Variants in NETO1 observed in about 807,000 individuals in gnomAD.
NETO1 encodes the protein neuropilin and tolloid-like protein 1.
NETO1 carries 26 observed loss-of-function variants against 61.3 expected under a neutral mutation model. That is an observed-to-expected ratio of 0.42 (90% CI 0.31 to 0.59). NETO1 has a LOEUF of 0.59. NETO1 is among the 20% of genes least tolerant of loss of function. The pLI is 0.12. For missense variants in NETO1, 531 were observed against 662.8 expected (o/e 0.80, Z 2.18); for synonymous variants, 225 against 225.8 (o/e 1.00, Z 0.03).
At chr18:72,783,657 G>A in intron 7 of NETO1, 21 bp downstream of exon 7, 7 of 1,606,374 alleles carry the variant, frequency 4.4e-6, no homozygotes, top group Non-Finnish European at 6.0e-6. Context: ...AGGAAAAATA[G>A]TCAAGTGCAG....
rs1364128861 is a variant in NETO1 at position 72,867,363 on chromosome 18, G to C, written c.-72C>G. On this transcript the variant is annotated 5_prime_UTR_variant, in exon 1 of 11. Transcript: ENST00000327305. ...GAGACGGGAAGACTTCCAGTGGCGG[G>C]GGGAGGACAGGGTCGAGAGGTGTTA... 7.6e-7 allele frequency: 1 copy of C among 1,309,800 alleles called. No homozygotes were observed. Among genetic ancestry groups the C allele is most frequent in the African/African-American group, 1.5e-5 (1 of 66,044 alleles). The allele number at this position is 1,309,800 out of a possible 1,614,324, so 81.1% of individuals were successfully genotyped here.
At chr18:72,854,461 A>G (rs1000023769) in intron 4 of NETO1, among the ~76,000 whole-genome samples, 5 of 152,212 alleles carry the variant, frequency 3.3e-5, no homozygotes, top group African/African-American at 1.2e-4. Flanking sequence ...TCTCCCCACA[A>G]GGAAGTAAAT....
intron 7 of NETO1, among the ~76,000 whole-genome samples, chr18:72,759,692 C>G (rs1053590997): frequency 2.0e-5 from 3 of 152,230 alleles, no homozygotes; most frequent in Non-Finnish European, 4.4e-5. Flanking sequence ...AGAAACTAAA[C>G]TCAGCATCCT....
chr18:72,770,637 C>T (rs543274521), intron 7 of NETO1, among the ~76,000 whole-genome samples: 19 of 152,154 alleles, frequency 1.2e-4, no homozygotes, highest in African/African-American at 3.9e-4. Flanking sequence ...CACAAGGTGG[C>T]GGCATTAAGA....
intron 4 of NETO1, among the ~76,000 whole-genome samples, chr18:72,824,178 G>T (rs2073300403): frequency 6.6e-6 from 1 of 152,148 alleles, no homozygotes; most frequent in South Asian, 2.1e-4. Flanking sequence ...GTTTTTGTTT[G>T]TTTGTTTTGA....
At chr18:72,822,446 C>T (rs2073229710) in intron 4 of NETO1, among the ~76,000 whole-genome samples, 1 of 152,166 alleles carries the variant, frequency 6.6e-6, no homozygotes, top group Non-Finnish European at 1.5e-5. Flanking sequence ...CCGTCCCGTC[C>T]CCCCGCAGGA....
At chr18:72,829,549 G>A (rs2073504926) in intron 4 of NETO1, among the ~76,000 whole-genome samples, 2 of 152,060 alleles carry the variant, frequency 1.3e-5, no homozygotes, top group South Asian at 2.1e-4. Flanking sequence ...AAATTTAAAT[G>A]TATATTTAAA....
intron 9 of NETO1, 106 bp downstream of exon 9, chr18:72,749,956 T>G: frequency 2.3e-6 from 2 of 874,842 alleles, no homozygotes; most frequent in Non-Finnish European, 3.4e-6. Context: ...GTTTAAATCA[T>G]TAATTAAAGG....
At chr18:72,805,000 C>T (rs1485134671) in intron 4 of NETO1, among the ~76,000 whole-genome samples, 10 of 152,214 alleles carry the variant, frequency 6.6e-5, no homozygotes, top group Non-Finnish European at 1.3e-4. Flanking sequence ...AATAACTGGC[C>T]AGAATTTTTA....
At chr18:72,758,214 A>G (rs1335065583) in intron 7 of NETO1, among the ~76,000 whole-genome samples, 1 of 152,164 alleles carries the variant, frequency 6.6e-6, no homozygotes, top group Non-Finnish European at 1.5e-5. Flanking sequence ...GAAACTATCA[A>G]TGTTCCAGGA....
At chr18:72,763,595 TCACA>T (rs1323589337) in intron 7 of NETO1, among the ~76,000 whole-genome samples, 2 of 73,984 alleles carry the variant, frequency 2.7e-5, no homozygotes, top group Non-Finnish European at 3.8e-5. Flanking sequence ...ACACACACAC[TCACA>T]AACACACACA....
intron 7 of NETO1, among the ~76,000 whole-genome samples, chr18:72,771,505 T>C (rs910899289): frequency 6.6e-6 from 1 of 152,146 alleles, no homozygotes; most frequent in Non-Finnish European, 1.5e-5. Flanking sequence ...ACCATCATAT[T>C]CATCTTCGAG....
chr18:72,834,345 G>A, intron 4 of NETO1: 1 of 908,296 alleles, frequency 1.1e-6, no homozygotes, highest in Non-Finnish European at 1.3e-6. Flanking sequence ...TAGAAAGAAA[G>A]GAAAAGAGAC....
intron 7 of NETO1, 97 bp from the exon 8 acceptor site, chr18:72,756,244 A>T (rs1286507224): frequency 9.7e-6 from 6 of 619,954 alleles, no homozygotes; most frequent in Admixed American, 8.5e-5. Context: ...AGATTAGAAT[A>T]ATTTGCCACA....
chr18:72,847,475 A>G (rs548574700), intron 4 of NETO1, among the ~76,000 whole-genome samples: 1 of 152,252 alleles, frequency 6.6e-6, no homozygotes, highest in Non-Finnish European at 1.5e-5. Context: ...TGCCATGAAG[A>G]GGCAGAGCCT....
At chr18:72,789,277 C>A (rs2072035071) in intron 6 of NETO1, among the ~76,000 whole-genome samples, 1 of 148,132 alleles carries the variant, frequency 6.8e-6, no homozygotes, top group African/African-American at 2.5e-5. Flanking sequence ...CCTGATATAA[C>A]AATAAAAAAT....
At chr18:72,795,663 C>T (rs192039626) in intron 4 of NETO1, among the ~76,000 whole-genome samples, 50 of 152,064 alleles carry the variant, frequency 3.3e-4, no homozygotes, top group African/African-American at 1.1e-3. Flanking sequence ...TGTTTTGATA[C>T]GTGACGTTTT....
chr18:72,821,505 C>A (rs1031278175), intron 4 of NETO1, among the ~76,000 whole-genome samples: 2 of 139,460 alleles, frequency 1.4e-5, no homozygotes, highest in Non-Finnish European at 3.0e-5. Context: ...GTGGAGGTTG[C>A]GGTGAGCCGA....
intron 6 of NETO1, among the ~76,000 whole-genome samples, chr18:72,793,466 T>G (rs1295461133): frequency 6.6e-6 from 1 of 152,178 alleles, no homozygotes; most frequent in Non-Finnish European, 1.5e-5. Context: ...ATACTTTTAA[T>G]TTTTATAATG....
Sources: allele counts gnomAD v4.1 joint callset (sites outside exome capture counted in the v4.1 genomes callset), GRCh38; gene constraint gnomAD v4.1.1; transcripts MANE v1.5; gene names NCBI Gene and HGNC (gene_info 2026-07-23, HGNC 2026-07-21).